The following CCDC12 variants were observed in gnomAD, a reference collection of about 807,000 sequenced individuals.
The protein encoded by CCDC12 is coiled-coil domain-containing protein 12.
CCDC12 carries 28 observed loss-of-function variants against 25.7 expected under a neutral mutation model. That is an observed-to-expected ratio of 1.09 (90% CI 0.81 to 1.50). The LOEUF is 1.50. Ranked by LOEUF, CCDC12 falls within the 40% of genes most tolerant of loss-of-function variation. The pLI is 0.00. For missense variants in CCDC12, 198 were observed against 210.0 expected (o/e 0.94, Z 0.35); for synonymous variants, 75 against 87.7 (o/e 0.86, Z 0.81).
At chr3:46,940,676 G>A in intron 2 of CCDC12, 1 of 324,402 alleles carries the variant, frequency 3.1e-6, no homozygotes, top group South Asian at 4.7e-5. Flanking sequence ...AGTGCAGAAG[G>A]GGCACTTACT....
chr3:46,930,577 T>G (rs1238259773), intron 2 of CCDC12, among the ~76,000 whole-genome samples: 1 of 152,178 alleles, frequency 6.6e-6, no homozygotes. Context: ...TGGGTGGAGC[T>G]TTGCTGTCTC....
At chr3:46,929,707 T>C (rs959484161) in intron 2 of CCDC12, among the ~76,000 whole-genome samples, 3 of 152,106 alleles carry the variant, frequency 2.0e-5, no homozygotes, top group African/African-American at 7.2e-5. Flanking sequence ...ACAGTGGTTA[T>C]CTCTAGGACT....
chr3:46,927,398 G>A (rs1294367357), intron 2 of CCDC12, among the ~76,000 whole-genome samples: 4 of 152,186 alleles, frequency 2.6e-5, no homozygotes, highest in South Asian at 2.1e-4. Flanking sequence ...AAAAACTGTC[G>A]CTTTCAGAAA....
chr3:46,941,051 C>T lies in CCDC12; in HGVS notation c.111G>A (p.Gly37=), dbSNP rs1280372769. The change falls in exon 2 of 7, where the codon GGG becomes GGA. Residue 37 remains glycine, a synonymous_variant. Transcript: ENST00000683445. ...CTCTGAGATGCTTGGTCTTTGGCTC[C>T]CCATCTTCCTTGTCCTGCAAAGAAA... ...EKTGRKDKED[G]EPKTKHLREE... is the part of the protein sequence containing the mutation. 5.6e-6 allele frequency: 9 copies of T among 1,614,196 alleles called. No homozygotes were observed. The highest frequency in any genetic ancestry group is 7.6e-6 in the Non-Finnish European group (9 of 1,180,032).
chr3:46,922,838 G>A (rs1405113413), intron 5 of CCDC12: 8 of 177,944 alleles, frequency 4.5e-5, no homozygotes, highest in Non-Finnish European at 8.3e-5. Flanking sequence ...CTCTACCTCC[G>A]GCTCAAGGTG....
intron 3 of CCDC12, 93 bp from the exon 4 acceptor site, chr3:46,923,761 A>AC (rs913680529): frequency 7.3e-6 from 8 of 1,098,064 alleles, no homozygotes; most frequent in African/African-American, 1.6e-5. Context: ...GAGAGACGGG[A>AC]CCCCAGGCTT....
intron 1 of CCDC12, among the ~76,000 whole-genome samples, chr3:46,960,259 T>C (rs982193807): frequency 1.3e-5 from 2 of 152,064 alleles, no homozygotes; most frequent in Non-Finnish European, 2.9e-5. Context: ...ATAACACTTG[T>C]AACAGCCAGA....
chr3:46,975,123 T>C (rs955164584), intron 1 of CCDC12, among the ~76,000 whole-genome samples: 1 of 152,146 alleles, frequency 6.6e-6, no homozygotes, highest in Non-Finnish European at 1.5e-5. Context: ...TGCTTCCGAA[T>C]ATGGCAATTA....
chr3:46,978,703 G>A (rs555613565), upstream of CCDC12, among the ~76,000 whole-genome samples: 2 of 152,234 alleles, frequency 1.3e-5, no homozygotes, highest in East Asian at 3.9e-4. Flanking sequence ...AACAGAGCCG[G>A]CCGGGTGCGG....
rs950955467 is a variant in CCDC12, at chr3:46,943,720, C to T, written c.97-2655G>A. Among the ~76,000 whole-genome samples the T allele has an allele frequency of 8.5e-5, 13 of 152,228 alleles. 1 individual carries two copies. The highest frequency in any genetic ancestry group is 2.9e-4 in the African/African-American group (12 of 41,462). On this transcript the variant is annotated intron_variant, in intron 1 of 6. Transcript: ENST00000683445. ...TTATTCATTAATAAATGAGAAAACACCCAACTATCTAAATGACTTTTAAAA... is the reference window on the plus strand; with the variant it reads ...TTATTCATTAATAAATGAGAAAACATCCAACTATCTAAATGACTTTTAAAA...
chr3:46,943,551 G>A (rs1004208299), intron 1 of CCDC12, among the ~76,000 whole-genome samples: 2 of 152,208 alleles, frequency 1.3e-5, no homozygotes, highest in Admixed American at 1.3e-4. Flanking sequence ...GCAGAAGTAG[G>A]TGGGGACTAC....
chr3:46,923,474 C>A, intron 4 of CCDC12, 111 bp from the exon 5 acceptor site: 2 of 1,487,916 alleles, frequency 1.3e-6, no homozygotes, highest in East Asian at 2.4e-5. Flanking sequence ...AGGAGAGGGA[C>A]GAGAGCAAAG....
rs573246690 is a variant in CCDC12 at position 46,964,141 on chromosome 3, G to A, written c.96+12496C>T. 1.0e-3 allele frequency among the ~76,000 whole-genome samples: 151 copies of A among 151,100 alleles called. 2 individuals carry two copies. The South Asian group carries it at 0.01, about 10-fold the overall frequency. Reference sequence around the variant, plus strand: ...TGGGAGGTGAGGAGCGTCTCTGCCCGGCCGCCCCGTCTGAGAAGTGAGGAG... The same window carrying A: ...TGGGAGGTGAGGAGCGTCTCTGCCCAGCCGCCCCGTCTGAGAAGTGAGGAG... On this transcript the variant is annotated intron_variant, in intron 1 of 6. Coordinates refer to ENST00000683445, the MANE Select transcript of CCDC12 (RefSeq NM_001277074.2).
At chr3:46,949,398 C>A (rs151008544) in intron 1 of CCDC12, among the ~76,000 whole-genome samples, 143 of 152,316 alleles carry the variant, frequency 9.4e-4, no homozygotes, top group South Asian at 8.3e-4. Flanking sequence ...AAAGGTCACA[C>A]AGAGGGCAGG....
At chr3:46,923,429 C>A (rs766073133) in intron 4 of CCDC12, 66 bp from the exon 5 acceptor site, 2 of 1,552,198 alleles carry the variant, frequency 1.3e-6, no homozygotes, top group Non-Finnish European at 1.8e-6. Flanking sequence ...AGGGCAGGCT[C>A]GAGAAGGAGG....
intron 1 of CCDC12, among the ~76,000 whole-genome samples, chr3:46,975,220 CTG>C (rs2107209509): frequency 6.6e-6 from 1 of 151,748 alleles, no homozygotes; most frequent in Non-Finnish European, 1.5e-5. Context: ...CAGTCTCACT[CTG>C]TAACCTAGGC....
chr3:46,954,922 G>GA (rs1183137789), intron 1 of CCDC12, among the ~76,000 whole-genome samples: 6 of 151,426 alleles, frequency 4.0e-5, no homozygotes, highest in Admixed American at 1.3e-4. Flanking sequence ...AACTCCGTCT[G>GA]AAAAAAAAAG....
chr3:46,960,035 A>G (rs2034416624), intron 1 of CCDC12, among the ~76,000 whole-genome samples: 1 of 152,012 alleles, frequency 6.6e-6, no homozygotes, highest in South Asian at 2.1e-4. Context: ...ACATGCATGC[A>G]AGTGTTGTCC....
intron 2 of CCDC12, among the ~76,000 whole-genome samples, chr3:46,929,628 G>A (rs2033119495): frequency 1.3e-5 from 2 of 152,228 alleles, no homozygotes; most frequent in South Asian, 2.1e-4. Flanking sequence ...TTTAGAATGA[G>A]GAAGTTGCTA....
Sources: gnomAD v4.1 joint callset for allele counts (sites outside exome capture counted in the v4.1 genomes callset) on GRCh38, gnomAD v4.1.1 for gene constraint, MANE v1.5 for transcripts, NCBI Gene and HGNC (gene_info 2026-07-23, HGNC 2026-07-21) for gene names.